PRAMEF12: variants seen among roughly 807,000 people sequenced by gnomAD.
PRAMEF12 encodes the protein PRAME family member 12.
Under a neutral mutation model 24.6 loss-of-function variants are expected in PRAMEF12, and 24 were observed. The ratio of observed to expected loss-of-function variants is 0.98; its 90% confidence interval spans 0.71 to 1.37. The LOEUF (loss-of-function observed/expected upper bound fraction) is 1.37, where lower values mean the gene tolerates loss of function less well. PRAMEF12 is among the 40% of genes most tolerant of loss of function. PRAMEF12 has a pLI of 0.00. For synonymous variants in PRAMEF12, 286 were observed against 242.6 expected (o/e 1.18, Z -1.66); for missense variants, 646 against 580.3 (o/e 1.11, Z -1.16).
chr1:12,775,573 G>A lies in PRAMEF12; in HGVS notation c.318G>A (p.Arg106=), dbSNP rs750904157. Residue 106 remains arginine, a synonymous_variant, in exon 2 of 3, where the codon CGG becomes CGA. Transcript: ENST00000357726. The stretch of plus-strand genomic sequence containing the variant: ...GGAAACTTCAAGTGTTGGACTTGCG[G>A]AATGTGGATGAGAACTTCTGGGGCA... The part of the protein sequence containing the change: ...RRWKLQVLDL[R]NVDENFWGIW... The A allele has an allele frequency of 1.2e-6, 2 of 1,612,896 alleles. No individual in the cohort carries two copies. The highest frequency in any genetic ancestry group is 1.3e-5 in the African/African-American group (1 of 74,840).
Position 12,774,964 on chromosome 1 carries a change from A to C in PRAMEF12, c.97A>C (p.Arg33=), listed in dbSNP as rs780848552. ...CATCCCCACCCTGGAGGAGCTGCCCAGGGAGCTCTTTCCCCCACTGTTCAT... is the reference window on the plus strand; with the variant it reads ...CATCCCCACCCTGGAGGAGCTGCCCCGGGAGCTCTTTCCCCCACTGTTCAT... ...LAIPTLEELP[R]ELFPPLFMEA... The change falls in exon 1 of 3, where the codon AGG becomes CGG. Residue 33 remains arginine, a synonymous_variant. Coordinates refer to ENST00000357726, the MANE Select transcript of PRAMEF12 (RefSeq NM_001080830.5). 9.9e-6 allele frequency: 16 copies of C among 1,613,972 alleles called. No homozygotes were observed. Among genetic ancestry groups the C allele is most frequent in the South Asian group, 9.9e-5 (9 of 91,074 alleles).
rs758057552 is a variant in PRAMEF12, at chr1:12,775,621, C to G, written c.366C>G (p.Leu122=). ...GCATATGGTCTGGAGCTTCTGCACT[C>G]TCCCCAGAGGCCCTGAGTAAGAGAC... ...FWGIWSGASA[L]SPEALSKRRT... The change falls in exon 2 of 3, where the codon CTC becomes CTG. Residue 122 remains leucine, a synonymous_variant. Transcript: ENST00000357726. The G allele has an allele frequency of 1.2e-6, 2 of 1,614,040 alleles. No individual in the cohort carries two copies. The highest frequency in any genetic ancestry group is 2.2e-5 in the East Asian group (1 of 44,850).
At position 12,775,174 on chromosome 1, in the gene PRAMEF12, C is replaced by A; in HGVS notation, c.287+20C>A. 4 of 1,595,858 alleles carry A rather than the reference C, an allele frequency of 2.5e-6. No individual in the cohort carries two copies. Among genetic ancestry groups the A allele is most frequent in the Non-Finnish European group, 3.4e-6 (4 of 1,170,798 alleles). On this transcript the variant is annotated intron_variant, in intron 1 of 2. Transcript: ENST00000357726. The stretch of plus-strand genomic sequence containing the variant: ...CCCCAGGTGAGGTGACCCAGCTAAC[C>A]AGGTGGGGAGGGCTCAGGCATCCAG...
rs746148928 is a variant in PRAMEF12, at chr1:12,774,049, A to G, written c.-819A>G. On this transcript the variant is annotated 5_prime_UTR_variant, in exon 1 of 3. Coordinates refer to ENST00000357726, the MANE Select transcript of PRAMEF12 (RefSeq NM_001080830.5). Reference sequence around the variant, plus strand: ...TCTTATTGAAGCAGTTTTTTTTTTAACAAGAGATATTAAAAAGTTACAACT... The same window carrying G: ...TCTTATTGAAGCAGTTTTTTTTTTAGCAAGAGATATTAAAAAGTTACAACT... 1.3e-4 allele frequency among the ~76,000 whole-genome samples: 20 copies of G among 152,172 alleles called. No individual in the cohort carries two copies. The East Asian group carries it at 2.7e-3, about 21-fold the overall frequency.
rs2100271584 is a variant in PRAMEF12 at position 12,774,720 on chromosome 1, A to G, written c.-148A>G. The G allele has an allele frequency of 2.7e-6, 2 of 733,182 alleles. No homozygotes were observed. Among genetic ancestry groups the G allele is most frequent in the East Asian group, 5.5e-5 (2 of 36,622 alleles). 45.4% of individuals were successfully genotyped at this position (733,182 alleles called of 1,614,324 possible). A position where few individuals can be genotyped will look rare whatever the true frequency, so the allele number is the denominator to read the frequency against. ...TTATGGTACCAGCAAGGGCAGAATT[A>G]CAGATTTGTGTCCAGAAAGTGCAGA... is the stretch of plus-strand genomic sequence containing the variant. On this transcript the variant is annotated 5_prime_UTR_variant, in exon 1 of 3. Transcript: ENST00000357726.
rs1394468231 is a variant in PRAMEF12, at chr1:12,774,794, A to C, written c.-74A>C. 7.1e-7 allele frequency: 1 copy of C among 1,408,528 alleles called. No homozygotes were observed. Among genetic ancestry groups the C allele is most frequent in the Non-Finnish European group, 9.7e-7 (1 of 1,034,004 alleles). 87.3% of individuals were successfully genotyped at this position (1,408,528 alleles called of 1,614,324 possible). ...CCTTTCCACCTCTACCAGAGCAATG[A>C]CATTGGCACTAGGAGATGATGAAGT... is the stretch of plus-strand genomic sequence containing the variant. On this transcript the variant is annotated 5_prime_UTR_variant, in exon 1 of 3. An upstream open reading frame in the 5' UTR loses its in-frame stop. Transcript: ENST00000357726.
Position 12,775,639 on chromosome 1 carries a change from T to G in PRAMEF12, c.384T>G (p.Ser128Arg), listed in dbSNP as rs746933744. 6.2e-7 allele frequency: 1 copy of G among 1,613,814 alleles called. No homozygotes were observed. The highest frequency in any genetic ancestry group is 1.1e-5 in the South Asian group (1 of 91,056). ...CTGCACTCTCCCCAGAGGCCCTGAG[T>G]AAGAGACGAACAGCAGGGAACTGTC... Reference protein sequence around the residue: ...GASALSPEALSKRRTAGNCPR... With the variant: ...GASALSPEALRKRRTAGNCPR... Residue 128 changes from serine (S) to arginine (R), a missense_variant, in exon 2 of 3, where the codon AGT (serine) becomes AGG (arginine). Ser to Arg is a moderately radical substitution (Grantham distance 110, BLOSUM62 -1). Coordinates refer to ENST00000357726, the MANE Select transcript of PRAMEF12 (RefSeq NM_001080830.5).
chr1:12,775,500 A>C (rs1453248197), intron 1 of PRAMEF12, 43 bp from the exon 2 acceptor site: 4 of 1,544,972 alleles, frequency 2.6e-6, no homozygotes, highest in Non-Finnish European at 3.5e-6. Flanking sequence ...TAAAAGCTCA[A>C]ATCCTTCCTA....
In PRAMEF12 at chr1:12,776,187, G is replaced by T. The variant is rs532333615; in HGVS notation, c.863+69G>T. The T allele has an allele frequency of 1.0e-4, 153 of 1,496,892 alleles. 1 individual carries two copies. The African/African-American group carries it at 2.0e-3, about 20-fold the overall frequency. 92.7% of individuals were successfully genotyped at this position (1,496,892 alleles called of 1,614,324 possible). A position where few individuals can be genotyped will look rare whatever the true frequency, so the allele number is the denominator to read the frequency against. On this transcript the variant is annotated intron_variant, in intron 2 of 2. Coordinates refer to ENST00000357726, the MANE Select transcript of PRAMEF12 (RefSeq NM_001080830.5). Reference sequence around the variant, plus strand: ...CTTTCTTTATTACTGTAAACACCAGGGGGTATCTACTGTGAGCCAGCTTGT... The same window carrying T: ...CTTTCTTTATTACTGTAAACACCAGTGGGTATCTACTGTGAGCCAGCTTGT...
At position 12,774,930 on chromosome 1, in the gene PRAMEF12, G is replaced by A. The variant is rs759324104; in HGVS notation, c.63G>A (p.Arg21=). ...ELAEQSLLRD[R]ALAIPTLEEL... ...CTGAGCAGAGTCTGCTGAGAGACCG[G>A]GCCTTGGCCATCCCCACCCTGGAGG... The change falls in exon 1 of 3, where the codon CGG becomes CGA. Residue 21 remains arginine (R), a synonymous_variant. Coordinates refer to ENST00000357726, the MANE Select transcript of PRAMEF12 (RefSeq NM_001080830.5). 6 of 1,613,884 alleles carry A rather than the reference G, an allele frequency of 3.7e-6. No individual in the cohort carries two copies. The highest frequency in any genetic ancestry group is 1.3e-5 in the African/African-American group (1 of 74,880).
chr1:12,775,096 A>G lies in PRAMEF12; in HGVS notation c.229A>G (p.Ile77Val). ...CCTGATGAAGTCATGTAATCTAGAGATCTTTCGAGCTGTGCTGGAGGGGCT... is the reference window on the plus strand; with the variant it reads ...CCTGATGAAGTCATGTAATCTAGAGGTCTTTCGAGCTGTGCTGGAGGGGCT... ...GSLMKSCNLE[I>V]FRAVLEGLDA... The change falls in exon 1 of 3, where the codon ATC (isoleucine) becomes GTC (valine). Residue 77 changes from isoleucine to valine, a missense_variant. Ile to Val is a conservative substitution (Grantham distance 29). Coordinates refer to ENST00000357726, the MANE Select transcript of PRAMEF12 (RefSeq NM_001080830.5). The G allele has an allele frequency of 6.2e-7, 1 of 1,614,080 alleles. No individual in the cohort carries two copies. Among genetic ancestry groups the G allele is most frequent in the Non-Finnish European group, 8.5e-7 (1 of 1,179,982 alleles).
chr1:12,777,356 G>A lies in PRAMEF12; in HGVS notation c.1209G>A (p.Leu403=), dbSNP rs1639070399. ...ACCTGCTGCGCCACACCGTCGGGCT[G>A]AGCAAGCTAAGCCTGGAGCTGTATC... is the stretch of plus-strand genomic sequence containing the variant. ...LENLLRHTVG[L]SKLSLELYPA... The change falls in exon 3 of 3, where the codon CTG becomes CTA. Residue 403 remains leucine, a synonymous_variant. Coordinates refer to ENST00000357726, the MANE Select transcript of PRAMEF12 (RefSeq NM_001080830.5). 1 of 1,613,572 alleles carries A rather than the reference G, an allele frequency of 6.2e-7. No homozygotes were observed. Among genetic ancestry groups the A allele is most frequent in the Non-Finnish European group, 8.5e-7 (1 of 1,179,882 alleles).
intron 2 of PRAMEF12, 49 bp downstream of exon 2, chr1:12,776,167 T>C: frequency 6.4e-7 from 1 of 1,563,890 alleles, no homozygotes; most frequent in Admixed American, 1.7e-5. Context: ...AAAGACTTTC[T>C]TTATTACTGT....
Position 12,777,734 on chromosome 1 carries a change from G to A in PRAMEF12, c.*135G>A. ...GGGATGCAGGAAGGGAGGGACTGGGGGAAAAGTTGAGTTGGAGTCAATAGG... is the reference window on the plus strand; with the variant it reads ...GGGATGCAGGAAGGGAGGGACTGGGAGAAAAGTTGAGTTGGAGTCAATAGG... On this transcript the variant is annotated 3_prime_UTR_variant, in exon 3 of 3. Transcript: ENST00000357726. 9.3e-7 allele frequency: 1 copy of A among 1,073,802 alleles called. No homozygotes were observed. The highest frequency in any genetic ancestry group is 1.3e-6 in the Non-Finnish European group (1 of 751,784). The allele number at this position is 1,073,802 out of a possible 1,614,324, so 66.5% of individuals were successfully genotyped here.
chr1:12,775,471 C>T, intron 1 of PRAMEF12, 72 bp from the exon 2 acceptor site: 1 of 1,391,574 alleles, frequency 7.2e-7, no homozygotes, highest in Admixed American at 2.1e-5. Flanking sequence ...AGGAGAGTCG[C>T]TGATGTCCGG....
chr1:12,776,667 C>A (rs765661672), intron 2 of PRAMEF12, among the ~76,000 whole-genome samples: 12 of 152,098 alleles, frequency 7.9e-5, no homozygotes, highest in Non-Finnish European at 1.6e-4. Flanking sequence ...ATGTCAGGGT[C>A]TCCTGCAGCC....
rs200191720 is a variant in PRAMEF12, at chr1:12,777,404, T to C, written c.1257T>C (p.Asp419=). The C allele has an allele frequency of 4.3e-3, 6,564 of 1,531,490 alleles. 3 individuals are homozygous for C. The highest frequency in any genetic ancestry group is 0.02 in the East Asian group (802 of 40,462). 94.9% of individuals were successfully genotyped at this position (1,531,490 alleles called of 1,614,324 possible). The change falls in exon 3 of 3, where the codon GAT becomes GAC. Residue 419 remains aspartate (D), a synonymous_variant. Coordinates refer to ENST00000357726, the MANE Select transcript of PRAMEF12 (RefSeq NM_001080830.5). ...ATCCTGCCCCTCTGGAGAGTTATGA[T>C]GCCCAGGGTGCTCTCTGCTGGGGAA... is the stretch of plus-strand genomic sequence containing the variant. ...ELYPAPLESY[D]AQGALCWGRF... is the part of the protein sequence containing the mutation.
Position 12,777,717 on chromosome 1 carries a change from G to A in PRAMEF12, c.*118G>A. On this transcript the variant is annotated 3_prime_UTR_variant, in exon 3 of 3. Transcript: ENST00000357726. ...TGAACCGGAAAGGAAAGGGGATGCA[G>A]GAAGGGAGGGACTGGGGGAAAAGTT... is the stretch of plus-strand genomic sequence containing the variant. 1 of 1,224,444 alleles carries A rather than the reference G, an allele frequency of 8.2e-7. No homozygotes were observed. The allele number at this position is 1,224,444 out of a possible 1,614,324, so 75.8% of individuals were successfully genotyped here. A position where few individuals can be genotyped will look rare whatever the true frequency, so the allele number is the denominator to read the frequency against.
In PRAMEF12 at chr1:12,774,241, C is replaced by T. The variant is rs1399524191; in HGVS notation, c.-627C>T. 2.0e-5 allele frequency among the ~76,000 whole-genome samples: 3 copies of T among 152,088 alleles called. No homozygotes were observed. Among genetic ancestry groups the T allele is most frequent in the African/African-American group, 7.2e-5 (3 of 41,402 alleles). ...TCAAGAGTGGAGTCTTTGTTCTGAA[C>T]ATGGGACCCATTTTTTTCCCCTAGA... On this transcript the variant is annotated 5_prime_UTR_variant, in exon 1 of 3. Coordinates refer to ENST00000357726, the MANE Select transcript of PRAMEF12 (RefSeq NM_001080830.5).
Sources: gnomAD v4.1 joint callset for allele counts (sites outside exome capture counted in the v4.1 genomes callset) on GRCh38, gnomAD v4.1.1 for gene constraint, MANE v1.5 for transcripts, NCBI Gene and HGNC (gene_info 2026-07-23, HGNC 2026-07-21) for gene names.